The following KCTD15 variants were observed in gnomAD, a reference collection of about 807,000 sequenced individuals.
KCTD15 encodes the protein potassium channel tetramerization domain containing 15.
A neutral mutation model predicts 27.2 loss-of-function variants in KCTD15; 11 were observed. That is an observed-to-expected ratio of 0.41 (90% CI 0.25 to 0.67). The LOEUF (loss-of-function observed/expected upper bound fraction) is 0.67. Ranked by LOEUF, KCTD15 falls within the 30% of genes least tolerant of loss-of-function variation. KCTD15 has a pLI of 0.35. For missense variants in KCTD15, 350 were observed against 409.3 expected, an observed-to-expected ratio of 0.86 and a Z score of 1.25; for synonymous variants, 163 against 176.0, an observed-to-expected ratio of 0.93 and a Z score of 0.58.
At chr19:33,797,444 A>G (rs1235370890) in intron 1 of KCTD15, 4 of 453,604 alleles carry the variant, frequency 8.8e-6, no homozygotes, top group African/African-American at 8.0e-5. Flanking sequence ...AATCAGAGAA[A>G]GTCTCCAGTG....
chr19:33,810,678 A>AAAC (rs1555730768), intron 5 of KCTD15, among the ~76,000 whole-genome samples: 1 of 138,850 alleles, frequency 7.2e-6, no homozygotes, highest in Non-Finnish European at 1.5e-5. Context: ...ACAAAAACAA[A>AAAC]AAAAAAAAAC....
rs1975979899 is a variant in KCTD15, at chr19:33,813,040, C to T, written c.*92C>T. ...TGTATACTTGGCCGTGGGCATGAGA[C>T]CGAGGGTGAGGCTGGAGGGTCCAAA... is the stretch of plus-strand genomic sequence containing the variant. On this transcript the variant is annotated 3_prime_UTR_variant, in exon 7 of 7. Coordinates refer to ENST00000683859, the MANE Select transcript of KCTD15 (RefSeq NM_001129994.2). The T allele has an allele frequency of 1.5e-6, 2 of 1,341,356 alleles. No homozygotes were observed. Among genetic ancestry groups the T allele is most frequent in the East Asian group, 5.0e-5 (2 of 39,978 alleles). The allele number at this position is 1,341,356 out of a possible 1,614,324, so 83.1% of individuals were successfully genotyped here.
At chr19:33,811,573 C>G (rs1335409472) in intron 6 of KCTD15, 21 bp downstream of exon 6, 18 of 1,572,710 alleles carry the variant, frequency 1.1e-5, no homozygotes, top group African/African-American at 2.7e-5. Flanking sequence ...CACGCTGCCC[C>G]CTCCCCGCCG....
At position 33,800,302 on chromosome 19, in the gene KCTD15, G is replaced by C. The variant is rs937334458; in HGVS notation, c.-27-126G>C. On this transcript the variant is annotated intron_variant, in intron 2 of 6. Coordinates refer to ENST00000683859, the MANE Select transcript of KCTD15 (RefSeq NM_001129994.2). ...GATAGTGGCGGTGGAGTCAATCAGG[G>C]AGGGCTGCATGGACCTCGCAGGGTC... is the stretch of plus-strand genomic sequence containing the variant. 2.4e-5 allele frequency: 17 copies of C among 719,828 alleles called. No individual in the cohort carries two copies. The African/African-American group carries it at 2.8e-4, about 12-fold the overall frequency. 44.6% of individuals were successfully genotyped at this position (719,828 alleles called of 1,614,324 possible).
At position 33,813,269 on chromosome 19, in the gene KCTD15, C is replaced by T. The variant is rs1051925884; in HGVS notation, c.*321C>T. On this transcript the variant is annotated 3_prime_UTR_variant, in exon 7 of 7. Transcript: ENST00000683859. Reference sequence around the variant, plus strand: ...CCTGTTGGGGCGGGGTTGGAAGAGCCGTCTGCAGCTACTTCAGAGGAGCTG... The same window carrying T: ...CCTGTTGGGGCGGGGTTGGAAGAGCTGTCTGCAGCTACTTCAGAGGAGCTG... 11 of 596,936 alleles carry T rather than the reference C, an allele frequency of 1.8e-5. No individual in the cohort carries two copies. Among genetic ancestry groups the T allele is most frequent in the African/African-American group, 9.1e-5 (5 of 55,034 alleles). The allele number at this position is 596,936 out of a possible 1,614,324, so 37.0% of individuals were successfully genotyped here.
intron 6 of KCTD15, chr19:33,812,170 C>G (rs1209735404): frequency 4.3e-6 from 5 of 1,164,488 alleles, no homozygotes; most frequent in Non-Finnish European, 5.3e-6. Flanking sequence ...TCAGAACTTG[C>G]TAGTTGCAGG....
chr19:33,812,866 G>T lies in KCTD15; in HGVS notation c.770G>T (p.Ser257Ile). ...CGGGVDSSQFSEYVLCREERR... is the reference protein window; with the variant it reads ...CGGGVDSSQFIEYVLCREERR... ...GGCGGTGTGGACTCCTCCCAGTTCA[G>T]CGAGTATGTGCTTTGCCGGGAGGAG... Residue 257 changes from serine (S) to isoleucine (I), a missense_variant, in exon 7 of 7, where the codon AGC becomes ATC. Physicochemically the swap from Ser to Ile is moderately radical, Grantham distance 142. Transcript: ENST00000683859. The T allele has an allele frequency of 6.5e-7, 1 of 1,548,686 alleles. No homozygotes were observed. Among genetic ancestry groups the T allele is most frequent in the Non-Finnish European group, 8.7e-7 (1 of 1,145,514 alleles).
rs374586751 is a variant in KCTD15, at chr19:33,800,521, G to A, written c.66+1G>A. On this transcript the variant is annotated splice_donor_variant, in intron 3 of 6. Coordinates refer to ENST00000683859, the MANE Select transcript of KCTD15 (RefSeq NM_001129994.2). LOFTEE classifies it high-confidence loss of function. ...CACACACGGCAGCACCGGCACCGCG[G>A]TGAGCCTGCAGGGTGGGCTGGGTCC... 48 of 1,591,198 alleles carry A rather than the reference G, an allele frequency of 3.0e-5. No homozygotes were observed. The highest frequency in any genetic ancestry group is 1.6e-4 in the Admixed American group (9 of 56,466).
chr19:33,800,550 C>A, intron 3 of KCTD15, 30 bp downstream of exon 3: 1 of 1,556,082 alleles, frequency 6.4e-7, no homozygotes, highest in Non-Finnish European at 8.7e-7. Context: ...TGGGTCCCTG[C>A]CGGGAGTTCC....
chr19:33,811,370 G>C lies in KCTD15; in HGVS notation c.511G>C (p.Val171Leu). 5.1e-6 allele frequency: 8 copies of C among 1,583,696 alleles called. No homozygotes were observed. The highest frequency in any genetic ancestry group is 6.9e-6 in the Non-Finnish European group (8 of 1,165,534). ...CAGCCGGGCCTGTGACTGCCTGGTG[G>C]TGCGCGTCACGCCCGACTTGGGCGA... ...RRSRACDCLVVRVTPDLGERI... is the reference protein window; with the variant it reads ...RRSRACDCLVLRVTPDLGERI... Residue 171 changes from valine to leucine, a missense_variant, in exon 6 of 7, where the codon GTG becomes CTG. Val to Leu is a conservative substitution (Grantham distance 32, BLOSUM62 1). This residue lies in a region of KCTD15 where 219 missense variants were observed against 234.9 expected (regional missense o/e 0.93). Transcript: ENST00000683859.
At chr19:33,808,609 T>G (rs1489969397) in intron 5 of KCTD15, among the ~76,000 whole-genome samples, 1 of 151,582 alleles carries the variant, frequency 6.6e-6, no homozygotes, top group African/African-American at 2.4e-5. Context: ...GCCCAGTGCC[T>G]GGCATTTAAC....
chr19:33,806,589 G>A (rs576263670), intron 4 of KCTD15, among the ~76,000 whole-genome samples: 1 of 152,302 alleles, frequency 6.6e-6, no homozygotes, highest in African/African-American at 2.4e-5. Flanking sequence ...GTAACATAAC[G>A]TGTGTTGGCA....
In KCTD15 at chr19:33,811,165, C is replaced by T. The variant is rs1333916875; in HGVS notation, c.388-82C>T. On this transcript the variant is annotated intron_variant, in intron 5 of 6. Coordinates refer to ENST00000683859, the MANE Select transcript of KCTD15 (RefSeq NM_001129994.2). ...CAGTTCCTGCAGAATTGGTTGGAAC[C>T]GGCAGGCCGCCTCCCCTCTCCCCCT... The T allele has an allele frequency of 6.0e-6, 7 of 1,164,860 alleles. No homozygotes were observed. In the East Asian group the frequency reaches 1.8e-4, roughly 30 times the overall value. 72.2% of individuals were successfully genotyped at this position (1,164,860 alleles called of 1,614,324 possible). A position where few individuals can be genotyped will look rare whatever the true frequency, so the allele number is the denominator to read the frequency against.
intron 5 of KCTD15, among the ~76,000 whole-genome samples, chr19:33,807,877 C>T (rs1975763672): frequency 1.3e-5 from 2 of 151,302 alleles, no homozygotes; most frequent in Non-Finnish European, 2.9e-5. Flanking sequence ...GAGGTGGAGG[C>T]GGAGGTTGCA....
intron 4 of KCTD15, among the ~76,000 whole-genome samples, chr19:33,806,574 G>A (rs907872007): frequency 1.3e-5 from 2 of 152,148 alleles, no homozygotes; most frequent in African/African-American, 4.8e-5. Flanking sequence ...TACCTTTCCA[G>A]GCCTGTAACA....
At chr19:33,808,698 G>T (rs886101093) in intron 5 of KCTD15, among the ~76,000 whole-genome samples, 4 of 151,558 alleles carry the variant, frequency 2.6e-5, no homozygotes, top group Admixed American at 6.6e-5. Context: ...TGGCTGTTGG[G>T]TGGGGAAGAA....
Position 33,811,592 on chromosome 19 carries a change from G to C in KCTD15, c.693+40G>C, listed in dbSNP as rs115665780. ...CTGCCCCCTCCCCGCCGCACCCCCGGCGTCCGCGGAGCCCTCCAGGGGCAG... is the reference window on the plus strand; with the variant it reads ...CTGCCCCCTCCCCGCCGCACCCCCGCCGTCCGCGGAGCCCTCCAGGGGCAG... On this transcript the variant is annotated intron_variant, in intron 6 of 6. Coordinates refer to ENST00000683859, the MANE Select transcript of KCTD15 (RefSeq NM_001129994.2). 3,854 of 1,572,394 alleles carry C rather than the reference G, an allele frequency of 2.5e-3. 70 individuals carry two copies. The African/African-American group carries it at 0.039, about 16-fold the overall frequency.
rs915406787 is a variant in KCTD15, at chr19:33,814,439, C to T, written c.*1491C>T. On this transcript the variant is annotated 3_prime_UTR_variant, in exon 7 of 7. Coordinates refer to ENST00000683859, the MANE Select transcript of KCTD15 (RefSeq NM_001129994.2). ...TTATTTATTGCATTTGGGTGCCTGT[C>T]CCCTCAGGGCAGCACAGATTCTGAA... 4 of 152,196 alleles carry T rather than the reference C, an allele frequency of 2.6e-5. No homozygotes were observed. Among genetic ancestry groups the T allele is most frequent in the African/African-American group, 9.7e-5 (4 of 41,438 alleles). The allele number at this position is 152,196 out of a possible 1,614,324, so 9.4% of individuals were successfully genotyped here.
At chr19:33,795,758 G>GCGTCCGGGGCGCGGACCT (rs1007695933), upstream of KCTD15, among the ~76,000 whole-genome samples, 14 of 152,120 alleles carry the variant, frequency 9.2e-5, no homozygotes, top group Non-Finnish European at 1.9e-4. Context: ...CTGGGGAGGG[G>GCGTCCGGGGCGCGGACCT]CGTCCGGGGC....
Sources: allele counts gnomAD v4.1 joint callset (sites outside exome capture counted in the v4.1 genomes callset), GRCh38; gene constraint gnomAD v4.1.1; regional missense constraint gnomAD v4.1.1; transcripts MANE v1.5; gene names NCBI Gene and HGNC (gene_info 2026-07-23, HGNC 2026-07-21).